TDP1: variants seen among roughly 807,000 people sequenced by gnomAD.
TDP1 encodes the protein tyrosyl-DNA phosphodiesterase 1, also known as tyr-DNA phosphodiesterase 1.
In TDP1, 64 loss-of-function variants were observed where a neutral mutation model predicts 81.5. The observed-to-expected ratio is 0.79, with a 90% CI of 0.64 to 0.97. TDP1 has a LOEUF of 0.97. Ranked by LOEUF, TDP1 falls within the 50% of genes least tolerant of loss-of-function variation. The pLI is 0.00. For synonymous variants in TDP1, 256 were observed against 264.3 expected, an observed-to-expected ratio of 0.97 and a Z score of 0.30; for missense variants, 723 against 743.8, an observed-to-expected ratio of 0.97 and a Z score of 0.33.
Position 89,981,784 on chromosome 14 carries a change from C to T in TDP1, c.884+1152C>T, listed in dbSNP as rs113000840. Among the ~76,000 whole-genome samples, 903 of 152,246 alleles carry T rather than the reference C, an allele frequency of 5.9e-3. 6 individuals carry two copies. The highest frequency in any genetic ancestry group is 0.021 in the African/African-American group (867 of 41,536). On this transcript the variant is annotated intron_variant, in intron 8 of 16. Transcript: ENST00000335725. Reference sequence around the variant, plus strand: ...CACTTTAACCTCAACCTCCTGGGCTCAGGTGATCCTCCCACCTCAGCCTTC... The same window carrying T: ...CACTTTAACCTCAACCTCCTGGGCTTAGGTGATCCTCCCACCTCAGCCTTC...
intron 1 of TDP1, chr14:89,956,181 C>T (rs1214826188): frequency 6.6e-6 from 1 of 152,320 alleles, no homozygotes; most frequent in African/African-American, 2.4e-5. Context: ...CACAGCGCCT[C>T]AGGGGGCGCG....
Position 89,975,795 on chromosome 14 carries a change from T to C in TDP1, c.771T>C (p.Ile257=), listed in dbSNP as rs760198170. The C allele has an allele frequency of 6.2e-7, 1 of 1,613,432 alleles. No homozygotes were observed. Among genetic ancestry groups the C allele is most frequent in the Non-Finnish European group, 8.5e-7 (1 of 1,179,360 alleles). Residue 257 remains isoleucine, a synonymous_variant, in exon 7 of 17, where the codon ATT becomes ATC. Coordinates refer to ENST00000335725, the MANE Select transcript of TDP1 (RefSeq NM_018319.4). ...TTTCATCCTAGGCAAAGTTGGATAT[T>C]GCGTTTGGAACACACCACACGTAAG... is the stretch of plus-strand genomic sequence containing the variant. ...NISLCQAKLD[I]AFGTHHTKMM... is the part of the protein sequence containing the mutation.
chr14:90,023,434 T>A (rs1268058544), intron 15 of TDP1, among the ~76,000 whole-genome samples: 1 of 152,188 alleles, frequency 6.6e-6, no homozygotes, highest in Non-Finnish European at 1.5e-5. Context: ...CTGGCCTTGG[T>A]TCCACGTGGA....
intron 3 of TDP1, 26 bp downstream of exon 3, chr14:89,963,699 G>A (rs765353396): frequency 1.2e-6 from 2 of 1,613,422 alleles, no homozygotes; most frequent in Non-Finnish European, 1.7e-6. Context: ...GTGTCAAGGA[G>A]CTGTTGAATT....
chr14:89,980,523 C>G lies in TDP1; in HGVS notation c.792-17C>G. 1.2e-5 allele frequency: 19 copies of G among 1,609,260 alleles called. No individual in the cohort carries two copies. Among genetic ancestry groups the G allele is most frequent in the Non-Finnish European group, 1.6e-5 (19 of 1,175,790 alleles). Reference sequence around the variant, plus strand: ...AAAGTACTATTAATGCTTTTTGATCCTTTGCTGTTTTTAAAGGAAAATGAT... The same window carrying G: ...AAAGTACTATTAATGCTTTTTGATCGTTTGCTGTTTTTAAAGGAAAATGAT... On this transcript the variant is annotated splice_polypyrimidine_tract_variant and intron_variant, in intron 7 of 16. Transcript: ENST00000335725.
intron 14 of TDP1, among the ~76,000 whole-genome samples, chr14:89,998,565 A>G (rs2140162429): frequency 6.6e-6 from 1 of 151,598 alleles, no homozygotes; most frequent in South Asian, 2.1e-4. Context: ...AATGTGCCCA[A>G]GAATCCAGAG....
chr14:89,992,563 G>A (rs1896306677), intron 13 of TDP1, among the ~76,000 whole-genome samples: 1 of 152,194 alleles, frequency 6.6e-6, no homozygotes, highest in Non-Finnish European at 1.5e-5. Context: ...AATGAAAGCA[G>A]AATTACTTTG....
chr14:89,961,543 A>G (rs1892327399), intron 2 of TDP1, among the ~76,000 whole-genome samples: 1 of 152,168 alleles, frequency 6.6e-6, no homozygotes. Context: ...ATTTAGTGTC[A>G]TATTGTCACA....
chr14:90,011,471 TG>T (rs1377668633), intron 14 of TDP1, among the ~76,000 whole-genome samples: 1 of 152,188 alleles, frequency 6.6e-6, no homozygotes, highest in Non-Finnish European at 1.5e-5. Flanking sequence ...TGGGAAAGTT[TG>T]GAACTTCCTA....
At chr14:90,026,828 A>G (rs1465756816) in intron 15 of TDP1, among the ~76,000 whole-genome samples, 1 of 152,186 alleles carries the variant, frequency 6.6e-6, no homozygotes, top group African/African-American at 2.4e-5. Flanking sequence ...CATGGTGTGT[A>G]TGTGCCACAT....
chr14:90,039,321 C>T (rs576592714), intron 16 of TDP1, among the ~76,000 whole-genome samples: 2 of 152,294 alleles, frequency 1.3e-5, no homozygotes, highest in Admixed American at 6.5e-5. Flanking sequence ...TGGCATGTCT[C>T]GTACATTCCT....
chr14:89,965,699 G>T, intron 3 of TDP1: 2 of 836,564 alleles, frequency 2.4e-6, no homozygotes, highest in Non-Finnish European at 2.9e-6. Flanking sequence ...CAGGCCACAG[G>T]TGCTTTCCAG....
chr14:89,959,894 C>G (rs563071890), intron 2 of TDP1, among the ~76,000 whole-genome samples: 2 of 152,274 alleles, frequency 1.3e-5, no homozygotes, highest in Admixed American at 1.3e-4. Flanking sequence ...ATAATGCAGG[C>G]AACCATATTT....
At chr14:89,994,641 C>T (rs545651877) in intron 14 of TDP1, among the ~76,000 whole-genome samples, 3 of 152,334 alleles carry the variant, frequency 2.0e-5, no homozygotes, top group Non-Finnish European at 2.9e-5. Context: ...CCAGGAAGCA[C>T]GAGCCCTGCC....
At position 89,963,658 on chromosome 14, in the gene TDP1, G is replaced by T. The variant is rs371486675; in HGVS notation, c.544G>T (p.Ala182Ser). The change falls in exon 3 of 17, where the codon GCC becomes TCC. Residue 182 changes from alanine to serine, a missense_variant. Coordinates refer to ENST00000335725, the MANE Select transcript of TDP1 (RefSeq NM_018319.4). ...AGTTAAGCCAAAGTATAACTCTGGAGCCCTCCACATCAAGGGTAAGAGGAT... is the reference window on the plus strand; with the variant it reads ...AGTTAAGCCAAAGTATAACTCTGGATCCCTCCACATCAAGGGTAAGAGGAT... The part of the protein sequence containing the change: ...SGVKPKYNSG[A>S]LHIKDILSPL... The T allele has an allele frequency of 2.0e-5, 33 of 1,614,016 alleles. No homozygotes were observed. The African/African-American group carries it at 3.6e-4, about 18-fold the overall frequency.
At chr14:90,009,250 G>A (rs1447254024) in intron 14 of TDP1, among the ~76,000 whole-genome samples, 1 of 152,130 alleles carries the variant, frequency 6.6e-6, no homozygotes, top group Admixed American at 6.5e-5. Context: ...TCAAGAACCT[G>A]GAACCAATGT....
At chr14:90,021,642 C>A (rs1479514599) in intron 15 of TDP1, among the ~76,000 whole-genome samples, 1 of 152,196 alleles carries the variant, frequency 6.6e-6, no homozygotes, top group Non-Finnish European at 1.5e-5. Flanking sequence ...CATTTGGAAT[C>A]CCTAAACCGA....
chr14:89,963,769 CTCT>C, intron 3 of TDP1, 96 bp downstream of exon 3: 3 of 1,422,158 alleles, frequency 2.1e-6, no homozygotes, highest in South Asian at 2.4e-5. Context: ...TTTCTGAGAA[CTCT>C]TCTTTGTGTT....
intron 14 of TDP1, among the ~76,000 whole-genome samples, chr14:90,000,119 G>T (rs1897062389): frequency 6.6e-6 from 1 of 152,106 alleles, no homozygotes; most frequent in Non-Finnish European, 1.5e-5. Context: ...CTTTCTTGTT[G>T]GCTGTCAGCC....
Sources: gnomAD v4.1 joint callset for allele counts (sites outside exome capture counted in the v4.1 genomes callset) on GRCh38, gnomAD v4.1.1 for gene constraint, MANE v1.5 for transcripts, NCBI Gene and HGNC (gene_info 2026-07-23, HGNC 2026-07-21) for gene names.